KIF26B: variants seen among roughly 807,000 people sequenced by gnomAD.
The protein encoded by KIF26B is kinesin-like protein KIF26B.
KIF26B carries 63 observed loss-of-function variants against 151.2 expected under a neutral mutation model. The ratio of observed to expected loss-of-function variants is 0.42; its 90% CI spans 0.34 to 0.51. KIF26B has a LOEUF of 0.51. KIF26B is among the 20% of genes least tolerant of loss of function. KIF26B has a pLI of 0.07. For missense variants in KIF26B, 2,813 were observed against 2,913.6 expected, an observed-to-expected ratio of 0.97 and a Z score of 0.79; for synonymous variants, 1,357 against 1,262.1, an observed-to-expected ratio of 1.08 and a Z score of -1.59.
chr1:245,454,734 CCA>C (rs1659475495), intron 4 of KIF26B, among the ~76,000 whole-genome samples: 2 of 152,154 alleles, frequency 1.3e-5, no homozygotes, highest in African/African-American at 4.8e-5. Flanking sequence ...GGCAGGAGAG[CCA>C]CCAGCAGGAG....
chr1:245,692,552 C>T (rs1443659746), intron 12 of KIF26B, among the ~76,000 whole-genome samples: 4 of 151,978 alleles, frequency 2.6e-5, no homozygotes, highest in African/African-American at 7.3e-5. Flanking sequence ...GGCGACACAG[C>T]GAGATTAACT....
chr1:245,332,311 T>C (rs943082412), intron 2 of KIF26B, among the ~76,000 whole-genome samples: 1 of 151,994 alleles, frequency 6.6e-6, no homozygotes, highest in Non-Finnish European at 1.5e-5. Flanking sequence ...TGACTAAAAA[T>C]GACATAACCC....
chr1:245,284,456 A>C (rs542946483), intron 2 of KIF26B, among the ~76,000 whole-genome samples: 1 of 152,102 alleles, frequency 6.6e-6, no homozygotes, highest in South Asian at 2.1e-4. Flanking sequence ...GTAAATTCTG[A>C]CTCCAGCCCT....
At chr1:245,653,300 G>A (rs2044039411) in intron 10 of KIF26B, among the ~76,000 whole-genome samples, 3 of 152,184 alleles carry the variant, frequency 2.0e-5, no homozygotes, top group Non-Finnish European at 4.4e-5. Context: ...AGGGGTAGAA[G>A]TTCCTAATTC....
At chr1:245,700,243 A>C (rs910990968) in intron 14 of KIF26B, among the ~76,000 whole-genome samples, 1 of 152,186 alleles carries the variant, frequency 6.6e-6, no homozygotes, top group African/African-American at 2.4e-5. Context: ...CTTAGCTGTA[A>C]AATGGGAAAA....
chr1:245,666,904 G>C (rs2044222797), intron 10 of KIF26B, among the ~76,000 whole-genome samples: 1 of 152,126 alleles, frequency 6.6e-6, no homozygotes, highest in South Asian at 2.1e-4. Flanking sequence ...GAGTGGCTTG[G>C]CCAGAGTCTT....
At chr1:245,581,472 G>T (rs1360998716) in intron 5 of KIF26B, among the ~76,000 whole-genome samples, 1 of 152,198 alleles carries the variant, frequency 6.6e-6, no homozygotes, top group African/African-American at 2.4e-5. Context: ...GCTTGCGTGT[G>T]TTTGTTTCAA....
chr1:245,556,348 T>TCCTCCTCCTTCCTC (rs1558213130), intron 5 of KIF26B, among the ~76,000 whole-genome samples: 1 of 110,270 alleles, frequency 9.1e-6, no homozygotes. Context: ...CCTTCCTCCC[T>TCCTCCTCCTTCCTC]CCTCCTCCTC....
chr1:245,694,631 T>G (rs1204264894), intron 12 of KIF26B, among the ~76,000 whole-genome samples: 2 of 152,096 alleles, frequency 1.3e-5, no homozygotes, highest in Admixed American at 1.3e-4. Context: ...GCACCGCAGA[T>G]GATACCGGAA....
intron 12 of KIF26B, among the ~76,000 whole-genome samples, chr1:245,691,035 T>C (rs2044619048): frequency 6.6e-6 from 1 of 152,234 alleles, no homozygotes; most frequent in Admixed American, 6.5e-5. Context: ...CAGATGACTG[T>C]GTGGCATCGG....
chr1:245,484,451 TCCC>T (rs750391792), intron 4 of KIF26B, among the ~76,000 whole-genome samples: 20 of 151,924 alleles, frequency 1.3e-4, no homozygotes, highest in South Asian at 4.2e-4. Flanking sequence ...CCTAACCCTG[TCCC>T]TGGACACTGT....
intron 2 of KIF26B, among the ~76,000 whole-genome samples, chr1:245,315,121 G>A (rs917715705): frequency 8.6e-5 from 13 of 151,894 alleles, no homozygotes; most frequent in East Asian, 2.0e-4. Context: ...TGGAGGTTGC[G>A]GTGAGCCGAG....
intron 4 of KIF26B, among the ~76,000 whole-genome samples, chr1:245,532,011 C>G (rs1661372809): frequency 6.6e-6 from 1 of 151,990 alleles, no homozygotes; most frequent in Non-Finnish European, 1.5e-5. Flanking sequence ...TCACTTCAGC[C>G]CAGAAGTTTG....
rs986423203 is a variant in KIF26B, at chr1:245,294,712, G to C, written c.466-72122G>C. Among the ~76,000 whole-genome samples, 9 of 152,074 alleles carry C rather than the reference G, an allele frequency of 5.9e-5. No homozygotes were observed. The South Asian group carries it at 1.0e-3, about 18-fold the overall frequency. On this transcript the variant is annotated intron_variant, in intron 2 of 14. Transcript: ENST00000407071. ...TCCCGCTCTGTTACCCAGGCTTCTG[G>C]AGTGCAGGGGCATGATCTCGGCTCA... is the stretch of plus-strand genomic sequence containing the variant.
In KIF26B at chr1:245,686,566, G is replaced by A. The variant is rs778537594; in HGVS notation, c.3583G>A (p.Glu1195Lys). The A allele has an allele frequency of 2.5e-6, 4 of 1,612,938 alleles. No individual in the cohort carries two copies. The Admixed American group carries it at 5.0e-5, about 20-fold the overall frequency. Reference protein sequence around the residue: ...EDELVFTLVEELTISGVLDSG... With the variant: ...EDELVFTLVEKLTISGVLDSG... ...CGAGCTGGTGTTCACGCTGGTGGAG[G>A]AGCTGACCATCAGCGGGGTCCTGGA... Residue 1195 changes from glutamate (E) to lysine (K), a missense_variant, in exon 12 of 15, where the codon GAG (glutamate) becomes AAG (lysine). Transcript: ENST00000407071. This position sits in a 1 kb window ranked among gnomAD's most constrained non-coding sequence, Gnocchi z 5.6.
chr1:245,483,148 G>A (rs559315818), intron 4 of KIF26B, among the ~76,000 whole-genome samples: 1 of 151,826 alleles, frequency 6.6e-6, no homozygotes, highest in East Asian at 1.9e-4. Context: ...TGGGTGCCCT[G>A]TGTTTGATGT....
rs551721762 is a variant in KIF26B at position 245,702,353 on chromosome 1, A to C, written c.6179-105A>C. ...CCTAAGGCAAGCGAACTAGACCTTT[A>C]GACCAAGGGGTAGATGTGGGGGTGG... On this transcript the variant is annotated intron_variant, in intron 14 of 14. Transcript: ENST00000407071. This position sits in a 1 kb window ranked among gnomAD's most constrained non-coding sequence, Gnocchi z 4.1. The C allele has an allele frequency of 2.9e-5, 38 of 1,297,706 alleles. No individual in the cohort carries two copies. The African/African-American group carries it at 3.5e-4, about 12-fold the overall frequency. The allele number at this position is 1,297,706 out of a possible 1,614,324, so 80.4% of individuals were successfully genotyped here.
chr1:245,337,160 T>TTATTTATC (rs1553348107), intron 2 of KIF26B, among the ~76,000 whole-genome samples: 9 of 148,226 alleles, frequency 6.1e-5, no homozygotes, highest in Non-Finnish European at 1.0e-4. Flanking sequence ...ATTTATTTAT[T>TTATTTATC]TATTTATTTA....
intron 10 of KIF26B, among the ~76,000 whole-genome samples, chr1:245,683,196 C>T (rs75239595): frequency 0.023 from 3,545 of 152,254 alleles, 155 homozygotes; most frequent in African/African-American, 0.081. Context: ...GATAGTCCCT[C>T]TCCAGGGAGC....
Sources: gnomAD v4.1 joint callset for allele counts (sites outside exome capture counted in the v4.1 genomes callset) on GRCh38, gnomAD v4.1.1 for gene constraint, Gnocchi (gnomAD v3.1) non-coding constraint, MANE v1.5 for transcripts, NCBI Gene and HGNC (gene_info 2026-07-23, HGNC 2026-07-21) for gene names.